Variants in ARFGEF1 observed in about 807,000 individuals in gnomAD.
ARFGEF1 encodes the protein ARF guanine nucleotide exchange factor 1, also known as brefeldin A-inhibited guanine nucleotide-exchange protein 1.
In ARFGEF1, 42 loss-of-function variants were observed where a neutral mutation model predicts 231.0. The observed-to-expected ratio is 0.18, with a 90% CI of 0.14 to 0.24. The LOEUF (loss-of-function observed/expected upper bound fraction) is 0.24. Among genes scored for constraint, ARFGEF1 ranks in the 10% least tolerant of loss-of-function variants. ARFGEF1 has a pLI of 1.00. For missense variants in ARFGEF1, 1,345 were observed against 2,192.0 expected (o/e 0.61, Z 7.72); for synonymous variants, 710 against 732.3 (o/e 0.97, Z 0.49).
In ARFGEF1 at chr8:67,198,253, A is replaced by G. The variant is rs1007862875; in HGVS notation, c.*681T>C. 47 of 985,728 alleles carry G rather than the reference A, an allele frequency of 4.8e-5. No homozygotes were observed. Among genetic ancestry groups the G allele is most frequent in the Middle Eastern group, 5.2e-4 (1 of 1,936 alleles). The allele number at this position is 985,728 out of a possible 1,614,324, so 61.1% of individuals were successfully genotyped here. A position where few individuals can be genotyped will look rare whatever the true frequency, so the allele number is the denominator to read the frequency against. On this transcript the variant is annotated 3_prime_UTR_variant, in exon 39 of 39. Coordinates refer to ENST00000262215, the MANE Select transcript of ARFGEF1 (RefSeq NM_006421.5). ...AAAAAGGGCAAAACTAAAAATCCCT[A>G]TAAAATAAAAAAGAAAGTTCCACCC... is the stretch of plus-strand genomic sequence containing the variant.
At chr8:67,225,096 A>G in intron 28 of ARFGEF1, 63 bp from the exon 29 acceptor site, 1 of 1,361,736 alleles carries the variant, frequency 7.3e-7, no homozygotes. Flanking sequence ...CAGTATACTA[A>G]CTTCTCAAAA....
At chr8:67,343,119 G>A in intron 1 of ARFGEF1, 45 bp downstream of exon 1, 1 of 205,300 alleles carries the variant, frequency 4.9e-6, no homozygotes, top group Non-Finnish European at 6.7e-6. Context: ...CCCCCTCCCC[G>A]CCCCACAACA....
At chr8:67,195,809 A>C (rs1391102922), downstream of ARFGEF1, 2 of 509,148 alleles carry the variant, frequency 3.9e-6, no homozygotes, top group East Asian at 6.9e-5. Flanking sequence ...ATTTTTGCAC[A>C]GTTTTGTCAT....
chr8:67,311,303 C>A (rs1489384226), intron 1 of ARFGEF1, among the ~76,000 whole-genome samples: 1 of 133,046 alleles, frequency 7.5e-6, no homozygotes, highest in Non-Finnish European at 1.6e-5. Context: ...GGTCAGCCCC[C>A]CCGCCCGGCC....
In ARFGEF1 at chr8:67,338,859, T is replaced by C. The variant is rs558897678; in HGVS notation, c.124+4305A>G. Reference sequence around the variant, plus strand: ...ATGGATTTAAATTATAATTAAGGTGTTCACTGATGGCAGGATATTGTTTGG... The same window carrying C: ...ATGGATTTAAATTATAATTAAGGTGCTCACTGATGGCAGGATATTGTTTGG... On this transcript the variant is annotated intron_variant, in intron 1 of 38. Transcript: ENST00000262215. Among the ~76,000 whole-genome samples the C allele has an allele frequency of 2.6e-5, 4 of 152,322 alleles. No individual in the cohort carries two copies. The East Asian group carries it at 7.7e-4, about 29-fold the overall frequency.
intron 36 of ARFGEF1, among the ~76,000 whole-genome samples, chr8:67,202,409 G>A (rs898976596): frequency 2.6e-5 from 4 of 151,926 alleles, no homozygotes; most frequent in Middle Eastern, 3.2e-3. Flanking sequence ...ACAGGTATGC[G>A]ACACCATGCC....
At chr8:67,229,986 G>A (rs899930661) in intron 23 of ARFGEF1, among the ~76,000 whole-genome samples, 2 of 152,074 alleles carry the variant, frequency 1.3e-5, no homozygotes, top group Admixed American at 1.3e-4. Context: ...GGCAACAGGA[G>A]AGAGAACTAT....
intron 19 of ARFGEF1, among the ~76,000 whole-genome samples, chr8:67,242,111 G>A (rs1839949331): frequency 6.6e-6 from 1 of 152,144 alleles, no homozygotes; most frequent in South Asian, 2.1e-4. Context: ...ATGTTCTGGG[G>A]CCCTAAATAA....
At chr8:67,259,143 T>C (rs191702045) in intron 15 of ARFGEF1, among the ~76,000 whole-genome samples, 51 of 152,352 alleles carry the variant, frequency 3.3e-4, no homozygotes, top group Admixed American at 3.3e-4. Flanking sequence ...TTGTGGTTGG[T>C]TGAATCCACA....
intron 17 of ARFGEF1, among the ~76,000 whole-genome samples, chr8:67,257,262 G>A (rs1840487950): frequency 1.3e-5 from 2 of 152,006 alleles, no homozygotes; most frequent in Non-Finnish European, 2.9e-5. Flanking sequence ...TGCATATTTT[G>A]TAGAGACAGG....
chr8:67,339,686 C>T (rs530793692), intron 1 of ARFGEF1, among the ~76,000 whole-genome samples: 1 of 147,908 alleles, frequency 6.8e-6, no homozygotes, highest in South Asian at 2.1e-4. Flanking sequence ...GCCTAGACTC[C>T]CTCTCTCTGC....
At chr8:67,230,473 A>G (rs968827753) in intron 23 of ARFGEF1, among the ~76,000 whole-genome samples, 8 of 152,230 alleles carry the variant, frequency 5.3e-5, no homozygotes, top group African/African-American at 1.9e-4. Context: ...AGCAGCCTAT[A>G]TTATTATACC....
intron 5 of ARFGEF1, among the ~76,000 whole-genome samples, chr8:67,292,618 G>A (rs1806058141): frequency 6.6e-6 from 1 of 151,968 alleles, no homozygotes; most frequent in Non-Finnish European, 1.5e-5. Context: ...GAATTACAAT[G>A]AAGGCTTAAA....
intron 29 of ARFGEF1, among the ~76,000 whole-genome samples, chr8:67,222,394 T>G (rs986830613): frequency 4.0e-5 from 6 of 151,304 alleles, no homozygotes; most frequent in Non-Finnish European, 7.4e-5. Flanking sequence ...CCTTCCCAAG[T>G]AGCTGGGATT....
chr8:67,253,249 T>G (rs887457445), intron 18 of ARFGEF1, among the ~76,000 whole-genome samples: 3 of 152,214 alleles, frequency 2.0e-5, no homozygotes, highest in Non-Finnish European at 2.9e-5. Context: ...AAAAAGTTTT[T>G]TCTTTTTTAG....
chr8:67,286,602 C>A (rs942632909), intron 7 of ARFGEF1, among the ~76,000 whole-genome samples: 21 of 152,156 alleles, frequency 1.4e-4, no homozygotes, highest in Non-Finnish European at 2.8e-4. Flanking sequence ...GAATCTGGCC[C>A]ACAGGCCGTA....
At chr8:67,210,262 G>C (rs1331455693) in intron 34 of ARFGEF1, among the ~76,000 whole-genome samples, 2 of 151,670 alleles carry the variant, frequency 1.3e-5, no homozygotes, top group Non-Finnish European at 2.9e-5. Flanking sequence ...TGGATGGCCT[G>C]AGCTCAGGAG....
At chr8:67,177,084 A>AG (rs1831869195) in intron 5 of ARFGEF1, among the ~76,000 whole-genome samples, 1 of 151,914 alleles carries the variant, frequency 6.6e-6, no homozygotes, top group African/African-American at 2.4e-5. Context: ...AAAAAAAAAA[A>AG]AAAAAAAAAG....
intron 1 of ARFGEF1, among the ~76,000 whole-genome samples, chr8:67,312,986 G>C (rs930002471): frequency 6.6e-6 from 1 of 152,164 alleles, no homozygotes; most frequent in Non-Finnish European, 1.5e-5. Flanking sequence ...CCACATAAAT[G>C]CATGAAAATG....
Sources: gnomAD v4.1 joint callset for allele counts (sites outside exome capture counted in the v4.1 genomes callset) on GRCh38, gnomAD v4.1.1 for gene constraint, MANE v1.5 for transcripts, NCBI Gene and HGNC (gene_info 2026-07-23, HGNC 2026-07-21) for gene names.